Variants in TMEM131 observed in about 807,000 individuals in gnomAD.
TMEM131 encodes 2610524E03Rik.
A neutral mutation model predicts 211.6 loss-of-function variants in TMEM131; 66 were observed. The ratio of observed to expected loss-of-function variants is 0.31; its 90% CI spans 0.26 to 0.38. The LOEUF is 0.38. TMEM131 is among the 10% of genes least tolerant of loss of function. The pLI is 1.00. For synonymous variants in TMEM131, 844 were observed against 841.3 expected (o/e 1.00, Z -0.06); for missense variants, 2,036 against 2,299.3 (o/e 0.89, Z 2.34).
intron 1 of TMEM131, among the ~76,000 whole-genome samples, chr2:97,930,467 T>C (rs896441893): frequency 8.6e-5 from 13 of 151,812 alleles, no homozygotes; most frequent in African/African-American, 2.9e-4. Flanking sequence ...GTTAAAAATA[T>C]GAATGTTAGT....
chr2:97,905,925 C>G (rs186845901), intron 3 of TMEM131, among the ~76,000 whole-genome samples: 51 of 152,280 alleles, frequency 3.3e-4, no homozygotes, highest in African/African-American at 1.2e-3. Context: ...ACCCAAATAC[C>G]TCTGGAGGAT....
intron 3 of TMEM131, among the ~76,000 whole-genome samples, chr2:97,897,524 G>A (rs1675663390): frequency 6.6e-6 from 1 of 151,990 alleles, no homozygotes; most frequent in Non-Finnish European, 1.5e-5. Context: ...AATTACAAAG[G>A]CGTTTAAAAT....
intron 4 of TMEM131, among the ~76,000 whole-genome samples, chr2:97,886,217 ATTCT>A (rs1232298801): frequency 1.3e-5 from 2 of 152,122 alleles, no homozygotes; most frequent in South Asian, 2.1e-4. Flanking sequence ...TCTCACTGAG[ATTCT>A]TTAAGATTAT....
intron 1 of TMEM131, among the ~76,000 whole-genome samples, chr2:97,978,807 C>T (rs957313761): frequency 6.6e-5 from 10 of 152,152 alleles, no homozygotes; most frequent in African/African-American, 2.4e-4. Context: ...TTCTGACCTC[C>T]TCCTATGAAT....
chr2:97,922,318 G>C (rs541682122), intron 2 of TMEM131, among the ~76,000 whole-genome samples: 1 of 152,210 alleles, frequency 6.6e-6, no homozygotes, highest in East Asian at 1.9e-4. Flanking sequence ...CCACAGACCG[G>C]TACTGGTCCA....
chr2:97,811,563 C>G (rs1235186854), intron 17 of TMEM131, among the ~76,000 whole-genome samples: 1 of 152,196 alleles, frequency 6.6e-6, no homozygotes, highest in East Asian at 1.9e-4. Flanking sequence ...TTCCACCAAC[C>G]TTTCAGGCAC....
chr2:97,933,856 T>C (rs1261553980), intron 1 of TMEM131, among the ~76,000 whole-genome samples: 1 of 152,136 alleles, frequency 6.6e-6, no homozygotes, highest in Non-Finnish European at 1.5e-5. Flanking sequence ...CACCTCTTCA[T>C]GATAAAAACT....
At chr2:97,982,463 GT>G (rs1313068594) in intron 1 of TMEM131, among the ~76,000 whole-genome samples, 1 of 151,648 alleles carries the variant, frequency 6.6e-6, no homozygotes, top group Non-Finnish European at 1.5e-5. Flanking sequence ...CATTCTGTGG[GT>G]TTTCTGCTTT....
At position 97,954,500 on chromosome 2, in the gene TMEM131, G is replaced by A. The variant is rs149928778; in HGVS notation, c.188-27013C>T. Reference sequence around the variant, plus strand: ...TATACCCATAACCATTAAAGACAGTGAATTTGTGAAGAGAAAGATCTCAGC... The same window carrying A: ...TATACCCATAACCATTAAAGACAGTAAATTTGTGAAGAGAAAGATCTCAGC... On this transcript the variant is annotated intron_variant, in intron 1 of 40. Coordinates refer to ENST00000186436, the MANE Select transcript of TMEM131 (RefSeq NM_015348.2). 8.1e-4 allele frequency among the ~76,000 whole-genome samples: 124 copies of A among 152,318 alleles called. 1 individual carries two copies. Among genetic ancestry groups the A allele is most frequent in the Non-Finnish European group, 1.5e-3 (101 of 68,030 alleles).
chr2:97,991,061 A>G (rs891128115), intron 1 of TMEM131, among the ~76,000 whole-genome samples: 5 of 152,222 alleles, frequency 3.3e-5, no homozygotes, highest in Non-Finnish European at 7.3e-5. Flanking sequence ...ATAGCTTCTC[A>G]TTTATAATAA....
At chr2:97,794,817 G>A (rs1680682957) in intron 29 of TMEM131, 113 bp downstream of exon 29, 1 of 844,592 alleles carries the variant, frequency 1.2e-6, no homozygotes, top group Admixed American at 3.1e-5. Flanking sequence ...GCAGAGTTCT[G>A]TCTTGTTTGC....
chr2:97,866,681 T>TA (rs1274525063), intron 4 of TMEM131, among the ~76,000 whole-genome samples: 1 of 152,220 alleles, frequency 6.6e-6, no homozygotes, highest in African/African-American at 2.4e-5. Context: ...TAAGTTTTGA[T>TA]ATGTTTTGTT....
chr2:97,825,308 T>C (rs1037962787), intron 11 of TMEM131, among the ~76,000 whole-genome samples: 14 of 152,148 alleles, frequency 9.2e-5, no homozygotes, highest in Non-Finnish European at 1.5e-4. Flanking sequence ...TAATCAAGGG[T>C]ACAAGGCATC....
chr2:97,780,199 T>G (rs1679932093), intron 31 of TMEM131, among the ~76,000 whole-genome samples: 1 of 152,238 alleles, frequency 6.6e-6, no homozygotes, highest in Non-Finnish European at 1.5e-5. Context: ...CCTGGGAATC[T>G]CTGGTGGATA....
At chr2:97,772,765 C>T (rs1231602931) in intron 32 of TMEM131, among the ~76,000 whole-genome samples, 1 of 152,160 alleles carries the variant, frequency 6.6e-6, no homozygotes, top group Non-Finnish European at 1.5e-5. Context: ...GGCGTGGTGG[C>T]GCATGCCTGT....
intron 33 of TMEM131, among the ~76,000 whole-genome samples, chr2:97,767,417 T>C (rs1420186556): frequency 3.3e-5 from 5 of 152,182 alleles, no homozygotes; most frequent in Non-Finnish European, 7.3e-5. Context: ...AGAATACCTA[T>C]ATGGGCTACA....
intron 19 of TMEM131, among the ~76,000 whole-genome samples, chr2:97,809,104 A>G (rs1681436539): frequency 6.6e-6 from 1 of 152,214 alleles, no homozygotes; most frequent in African/African-American, 2.4e-5. Context: ...GCCAGTCTTT[A>G]AAGCTCAGCT....
chr2:97,889,991 C>T (rs1200077026), intron 3 of TMEM131, among the ~76,000 whole-genome samples: 1 of 152,128 alleles, frequency 6.6e-6, no homozygotes, highest in Non-Finnish European at 1.5e-5. Context: ...AGGAGGGACA[C>T]TGCTGCCAAG....
chr2:97,945,988 T>C (rs2104513373), intron 1 of TMEM131, among the ~76,000 whole-genome samples: 1 of 152,254 alleles, frequency 6.6e-6, no homozygotes, highest in East Asian at 1.9e-4. Flanking sequence ...CTGACATGTC[T>C]GTGACTACAG....
Sources: allele counts gnomAD v4.1 joint callset (sites outside exome capture counted in the v4.1 genomes callset), GRCh38; gene constraint gnomAD v4.1.1; transcripts MANE v1.5; gene names NCBI Gene and HGNC (gene_info 2026-07-23, HGNC 2026-07-21).